The following LRPPRC variants were observed in gnomAD, a reference collection of about 807,000 sequenced individuals.
LRPPRC encodes leucine rich pentatricopeptide repeat containing.
A neutral mutation model predicts 180.3 loss-of-function variants in LRPPRC; 120 were observed. The observed-to-expected ratio is 0.67, with a 90% confidence interval of 0.57 to 0.77. The LOEUF is 0.77. LRPPRC is among the 30% of genes least tolerant of loss of function. LRPPRC has a pLI of 0.00. For missense variants in LRPPRC, 2,012 were observed against 1,657.2 expected, an observed-to-expected ratio of 1.21 and a Z score of -3.72; for synonymous variants, 723 against 600.0, an observed-to-expected ratio of 1.21 and a Z score of -3.00.
At position 43,889,780 on chromosome 2, in the gene LRPPRC, G is replaced by C. The variant is rs1670419094; in HGVS notation, c.4082C>G (p.Ser1361Cys). The change falls in exon 37 of 38, where the codon TCT becomes TGT. Residue 1361 changes from serine to cysteine, a missense_variant. By Grantham distance (112) the Ser-to-Cys change is moderately radical. Coordinates refer to ENST00000260665, the MANE Select transcript of LRPPRC (RefSeq NM_133259.4). ...AGGCTCTCCAGCATACTTCAGCAAA[G>C]ATGCGTAACGCTTTAGAAACAGATC... ...LDDLFLKRYA[S>C]LLKYAGEPVP... 6.2e-7 allele frequency: 1 copy of C among 1,612,272 alleles called. No homozygotes were observed. The highest frequency in any genetic ancestry group is 8.5e-7 in the Non-Finnish European group (1 of 1,178,246).
At chr2:43,974,818 G>A in intron 7 of LRPPRC, 60 bp from the exon 8 acceptor site, 1 of 1,512,882 alleles carries the variant, frequency 6.6e-7, no homozygotes, top group South Asian at 1.1e-5. Flanking sequence ...AAGTATTAAA[G>A]CTAAATAAAA....
In LRPPRC at chr2:43,974,675, C is replaced by A; in HGVS notation, c.948G>T (p.Gly316=). The change falls in exon 8 of 38, where the codon GGG becomes GGT. Residue 316 remains glycine (G), a synonymous_variant. Transcript: ENST00000260665. ...AAATTTCTGAGACATACTGAGGATA[C>A]CCAGCTTTACTGAAGCTAAAAATAA... The part of the protein sequence containing the change: ...LQIIFSFSKA[G]YPQYVSEILE... The A allele has an allele frequency of 1.2e-6, 2 of 1,611,874 alleles. No homozygotes were observed. Among genetic ancestry groups the A allele is most frequent in the Non-Finnish European group, 1.7e-6 (2 of 1,178,184 alleles).
intron 11 of LRPPRC, among the ~76,000 whole-genome samples, chr2:43,968,908 T>G (rs1673676109): frequency 6.6e-6 from 1 of 152,214 alleles, no homozygotes; most frequent in Admixed American, 6.5e-5. Flanking sequence ...ACACAAATGG[T>G]TAACTATGGG....
At chr2:43,981,759 AATATAAC>A (rs1056220101) in intron 2 of LRPPRC, among the ~76,000 whole-genome samples, 1 of 152,198 alleles carries the variant, frequency 6.6e-6, no homozygotes, top group African/African-American at 2.4e-5. Flanking sequence ...CAATCAACAG[AATATAAC>A]AAAGAAAATT....
chr2:43,979,716 G>A, intron 3 of LRPPRC, 110 bp downstream of exon 3: 1 of 875,926 alleles, frequency 1.1e-6, no homozygotes, highest in South Asian at 1.5e-5. Flanking sequence ...TATGAATCAA[G>A]TAGCCCTTCC....
intron 23 of LRPPRC, among the ~76,000 whole-genome samples, chr2:43,941,681 C>A (rs1357767732): frequency 6.6e-6 from 1 of 151,908 alleles, no homozygotes. Context: ...TTTCCCCTGA[C>A]TACGAATGTT....
intron 25 of LRPPRC, among the ~76,000 whole-genome samples, chr2:43,929,064 C>G (rs1277654484): frequency 6.6e-6 from 1 of 152,142 alleles, no homozygotes; most frequent in African/African-American, 2.4e-5. Context: ...AATACATTTA[C>G]AGTACTGCAT....
At chr2:43,945,276 T>C in intron 22 of LRPPRC, 56 bp downstream of exon 22, 2 of 1,130,120 alleles carry the variant, frequency 1.8e-6, no homozygotes, top group Non-Finnish European at 1.4e-6. Context: ...AATTCACATG[T>C]TATTCCAGTG....
At chr2:43,943,953 T>C in intron 22 of LRPPRC, 59 bp from the exon 23 acceptor site, 4 of 1,216,882 alleles carry the variant, frequency 3.3e-6, no homozygotes, top group Non-Finnish European at 4.9e-6. Context: ...AACAAACTGC[T>C]ATTAAAACAG....
At position 43,928,108 on chromosome 2, in the gene LRPPRC, A is replaced by G. The variant is rs544079126; in HGVS notation, c.2737-2147T>C. On this transcript the variant is annotated intron_variant, in intron 25 of 37. Transcript: ENST00000260665. ...TCTATCTAATGAACAGTGAGGATACAGTAAGTATTTTTATAGAAACAATTG... is the reference window on the plus strand; with the variant it reads ...TCTATCTAATGAACAGTGAGGATACGGTAAGTATTTTTATAGAAACAATTG... Among the ~76,000 whole-genome samples the G allele has an allele frequency of 5.9e-5, 9 of 152,344 alleles. No homozygotes were observed. In the South Asian group the frequency reaches 6.2e-4, roughly 11 times the overall value.
chr2:43,983,357 G>A (rs554925809), intron 1 of LRPPRC, among the ~76,000 whole-genome samples: 3 of 151,486 alleles, frequency 2.0e-5, no homozygotes, highest in South Asian at 2.1e-4. Context: ...ACAATTTTTA[G>A]AATATTTTTA....
chr2:43,974,282 G>A lies in LRPPRC; in HGVS notation c.1023C>T (p.Leu341=), dbSNP rs756191093. 6.2e-7 allele frequency: 1 copy of A among 1,611,394 alleles called. No individual in the cohort carries two copies. The highest frequency in any genetic ancestry group is 8.5e-7 in the Non-Finnish European group (1 of 1,177,544). Residue 341 remains leucine (L), a synonymous_variant, in exon 9 of 38, where the codon CTC becomes CTT. Transcript: ENST00000260665. ...ATTTTTCAGTGACTAAAAGTAAAAT[G>A]AGGTTCATTGCATCTGGGAAGAAAA... is the stretch of plus-strand genomic sequence containing the variant. The part of the protein sequence containing the change: ...ERRYIPDAMN[L]ILLLVTEKLE...
At chr2:43,898,375 G>A (rs112475865) in intron 34 of LRPPRC, among the ~76,000 whole-genome samples, 3 of 152,270 alleles carry the variant, frequency 2.0e-5, no homozygotes, top group African/African-American at 2.4e-5. Flanking sequence ...AAATGTAAGG[G>A]AATATAATAC....
intron 25 of LRPPRC, among the ~76,000 whole-genome samples, chr2:43,927,512 T>G (rs1307875844): frequency 6.6e-6 from 1 of 152,212 alleles, no homozygotes; most frequent in African/African-American, 2.4e-5. Context: ...CACAATTTCT[T>G]CTCAAGGATT....
rs1411869177 is a variant in LRPPRC at position 43,957,570 on chromosome 2, T to TTAAAAAA, written c.1583-126_1583-120dup. 1.0e-4 allele frequency: 76 copies of TTAAAAAA among 752,624 alleles called. 1 individual carries two copies. The highest frequency in any genetic ancestry group is 1.7e-4 in the Non-Finnish European group (73 of 432,762). 46.6% of individuals were successfully genotyped at this position (752,624 alleles called of 1,614,324 possible). ...TTAGTTTTCATTTTGGAAATTGTAT[T>TTAAAAAA]TAAAAAATAAAAATGTTTTCATACA... On this transcript the variant is annotated intron_variant, in intron 13 of 37. Transcript: ENST00000260665.
chr2:43,978,867 G>T (rs1369946144), intron 3 of LRPPRC, among the ~76,000 whole-genome samples: 1 of 152,138 alleles, frequency 6.6e-6, no homozygotes, highest in Non-Finnish European at 1.5e-5. Context: ...ACTAGAAGAG[G>T]TATGGATTCT....
chr2:43,934,776 G>T lies in LRPPRC; in HGVS notation c.2607C>A (p.Gly869=), dbSNP rs376938606. ...CACCTTTCTGAATTAGATCAGTCTC[G>T]CCTTTCTCTACCAGTTTACACAAGA... ...HDVLCKLVEK[G]ETDLIQKAMD... Residue 869 remains glycine (G), a synonymous_variant, in exon 24 of 38, where the codon GGC becomes GGA. Coordinates refer to ENST00000260665, the MANE Select transcript of LRPPRC (RefSeq NM_133259.4). 1 of 1,612,392 alleles carries T rather than the reference G, an allele frequency of 6.2e-7. No individual in the cohort carries two copies. The highest frequency in any genetic ancestry group is 1.3e-5 in the African/African-American group (1 of 74,830).
intron 7 of LRPPRC, 75 bp downstream of exon 7, chr2:43,975,016 T>A: frequency 6.8e-7 from 1 of 1,472,698 alleles, no homozygotes; most frequent in South Asian, 1.1e-5. Context: ...AACTTCACTT[T>A]CCTGCCTCAT....
At chr2:43,983,623 CTAAA>C (rs1674405412) in intron 1 of LRPPRC, among the ~76,000 whole-genome samples, 1 of 152,138 alleles carries the variant, frequency 6.6e-6, no homozygotes, top group South Asian at 2.1e-4. Context: ...ACAGCAGCCA[CTAAA>C]TATATTATAC....
Sources: allele counts gnomAD v4.1 joint callset (sites outside exome capture counted in the v4.1 genomes callset), GRCh38; gene constraint gnomAD v4.1.1; transcripts MANE v1.5; gene names NCBI Gene and HGNC (gene_info 2026-07-23, HGNC 2026-07-21).